Variants in CCSER1 observed in about 807,000 individuals in gnomAD.
CCSER1 encodes serine-rich coiled-coil domain-containing protein 1.
Under a neutral mutation model 82.0 loss-of-function variants are expected in CCSER1, and 41 were observed. The observed-to-expected ratio is 0.50, with a 90% CI of 0.39 to 0.65. The LOEUF (loss-of-function observed/expected upper bound fraction) is 0.65. Ranked by LOEUF, CCSER1 falls within the 30% of genes least tolerant of loss-of-function variation. The pLI, the probability that CCSER1 is intolerant of heterozygous loss-of-function variation, is 0.00. For missense variants in CCSER1, 1,119 were observed against 1,064.2 expected (o/e 1.05, Z -0.72); for synonymous variants, 414 against 383.9 (o/e 1.08, Z -0.92).
chr4:90,548,100 A>G (rs1776995512), intron 5 of CCSER1, among the ~76,000 whole-genome samples: 1 of 152,168 alleles, frequency 6.6e-6, no homozygotes, highest in African/African-American at 2.4e-5. Flanking sequence ...GGACAAGGGC[A>G]ATCATTCTGG....
At chr4:91,207,166 T>G (rs1736415844) in intron 10 of CCSER1, among the ~76,000 whole-genome samples, 1 of 151,830 alleles carries the variant, frequency 6.6e-6, no homozygotes, top group Admixed American at 6.6e-5. Context: ...GAGACAGCAT[T>G]GACTATTAAT....
At chr4:90,515,634 G>A (rs886170460) in intron 5 of CCSER1, among the ~76,000 whole-genome samples, 2 of 152,024 alleles carry the variant, frequency 1.3e-5, no homozygotes, top group African/African-American at 2.4e-5. Flanking sequence ...CTTATTCTAG[G>A]CCTGTAAATC....
intron 5 of CCSER1, among the ~76,000 whole-genome samples, chr4:90,510,806 T>C (rs1771387158): frequency 6.6e-6 from 1 of 152,092 alleles, no homozygotes; most frequent in Non-Finnish European, 1.5e-5. Context: ...GGCCCAGCAG[T>C]AGAAAAAGAC....
chr4:90,971,466 A>G (rs2150399702), intron 9 of CCSER1, among the ~76,000 whole-genome samples: 1 of 152,116 alleles, frequency 6.6e-6, no homozygotes, highest in African/African-American at 2.4e-5. Context: ...ATTGAACATG[A>G]GATTTGGGTG....
rs542044704 is a variant in CCSER1, at chr4:91,063,860, C to G, written c.2173-22090C>G. On this transcript the variant is annotated intron_variant, in intron 9 of 10. Coordinates refer to ENST00000509176, the MANE Select transcript of CCSER1 (RefSeq NM_001145065.2). ...TTTTATTATTCCATTTTACATACTC[C>G]GAATTGGTTCTCAATGACATTAAAT... Among the ~76,000 whole-genome samples, 6 of 152,214 alleles carry G rather than the reference C, an allele frequency of 3.9e-5. No homozygotes were observed. In the South Asian group the frequency reaches 1.2e-3, roughly 32 times the overall value.
At chr4:90,899,594 T>C (rs1458691731) in intron 8 of CCSER1, among the ~76,000 whole-genome samples, 2 of 152,018 alleles carry the variant, frequency 1.3e-5, no homozygotes, top group African/African-American at 2.4e-5. Context: ...GTTTGTGATA[T>C]ATGGATCTTA....
intron 1 of CCSER1, among the ~76,000 whole-genome samples, chr4:90,261,916 C>G (rs1003553218): frequency 3.3e-5 from 5 of 152,028 alleles, no homozygotes; most frequent in Non-Finnish European, 5.9e-5. Flanking sequence ...TTGTATTTCC[C>G]TAAATGTGTC....
At chr4:90,221,284 T>A (rs1560822228) in intron 1 of CCSER1, among the ~76,000 whole-genome samples, 1 of 152,150 alleles carries the variant, frequency 6.6e-6, no homozygotes, top group East Asian at 1.9e-4. Flanking sequence ...AGAGGTTATG[T>A]TCTCTTGATG....
At chr4:90,729,793 G>A (rs10023886) in intron 7 of CCSER1, among the ~76,000 whole-genome samples, 9,562 of 152,094 alleles carry the variant, frequency 0.063, 426 homozygotes, top group South Asian at 0.13. Flanking sequence ...GGAGAATGGC[G>A]TGAACCCAGG....
intron 10 of CCSER1, among the ~76,000 whole-genome samples, chr4:91,587,751 T>C (rs1235191184): frequency 6.6e-6 from 1 of 151,596 alleles, no homozygotes; most frequent in Non-Finnish European, 1.5e-5. Flanking sequence ...AAATGAAAGG[T>C]GATAGGTTCT....
intron 9 of CCSER1, among the ~76,000 whole-genome samples, chr4:91,022,813 A>G (rs1467204988): frequency 2.0e-5 from 3 of 152,124 alleles, no homozygotes; most frequent in Non-Finnish European, 4.4e-5. Context: ...GTCTTCTTTT[A>G]AGAAGTGTCT....
chr4:90,565,666 G>T (rs1256788627), intron 5 of CCSER1, among the ~76,000 whole-genome samples: 1 of 152,130 alleles, frequency 6.6e-6, no homozygotes, highest in African/African-American at 2.4e-5. Context: ...TTTTTATTAT[G>T]TTGAGGTACA....
intron 9 of CCSER1, among the ~76,000 whole-genome samples, chr4:90,971,925 A>G (rs1735148575): frequency 6.6e-6 from 1 of 151,930 alleles, no homozygotes; most frequent in African/African-American, 2.4e-5. Flanking sequence ...CAGAAAAAGA[A>G]ATTGATGAAA....
intron 10 of CCSER1, among the ~76,000 whole-genome samples, chr4:91,221,589 C>G (rs1019894929): frequency 6.6e-6 from 1 of 152,058 alleles, no homozygotes; most frequent in Non-Finnish European, 1.5e-5. Context: ...ATATGCTTAT[C>G]TGTTAATAAA....
At chr4:91,303,928 T>C (rs926465767) in intron 10 of CCSER1, among the ~76,000 whole-genome samples, 2 of 151,864 alleles carry the variant, frequency 1.3e-5, no homozygotes, top group Admixed American at 1.3e-4. Context: ...ATATATAGAG[T>C]CTAATACAGA....
At chr4:90,444,757 G>A (rs903550066) in intron 4 of CCSER1, among the ~76,000 whole-genome samples, 1 of 151,942 alleles carries the variant, frequency 6.6e-6, no homozygotes, top group Non-Finnish European at 1.5e-5. Flanking sequence ...AGAAACTCAT[G>A]TTTTATGTAC....
intron 10 of CCSER1, among the ~76,000 whole-genome samples, chr4:91,369,236 T>C (rs1749845945): frequency 6.6e-6 from 1 of 152,214 alleles, no homozygotes; most frequent in Non-Finnish European, 1.5e-5. Flanking sequence ...GCTTTGACCA[T>C]GGACTACCCA....
At chr4:91,547,205 C>A (rs1442570894) in intron 10 of CCSER1, among the ~76,000 whole-genome samples, 1 of 151,896 alleles carries the variant, frequency 6.6e-6, no homozygotes, top group Non-Finnish European at 1.5e-5. Flanking sequence ...TGTATAGATT[C>A]AATTACATGT....
chr4:90,850,846 G>T (rs1399917251), intron 8 of CCSER1, among the ~76,000 whole-genome samples: 2 of 152,132 alleles, frequency 1.3e-5, no homozygotes, highest in Non-Finnish European at 2.9e-5. Context: ...TTAAATGTGA[G>T]GACATGATAT....
Sources: gnomAD v4.1 joint callset for allele counts (sites outside exome capture counted in the v4.1 genomes callset) on GRCh38, gnomAD v4.1.1 for gene constraint, MANE v1.5 for transcripts, NCBI Gene and HGNC (gene_info 2026-07-23, HGNC 2026-07-21) for gene names.